The following CHMP3 variants were observed in gnomAD, a reference collection of about 807,000 sequenced individuals.
The protein encoded by CHMP3 is 25.1 protein.
In CHMP3, 8 loss-of-function variants were observed where a neutral mutation model predicts 27.4. The observed-to-expected ratio is 0.29, with a 90% CI of 0.17 to 0.53. The LOEUF is 0.53. Ranked by LOEUF, CHMP3 falls within the 20% of genes least tolerant of loss-of-function variation. The probability of loss-of-function intolerance (pLI) is 0.96; values close to 1 mark genes in which losing one functional copy is unlikely to be tolerated. For synonymous variants in CHMP3, 86 were observed against 85.5 expected (o/e 1.01, Z -0.03); for missense variants, 208 against 271.5 (o/e 0.77, Z 1.64).
chr2:86,548,516 G>C (rs1403418434), intron 1 of CHMP3, among the ~76,000 whole-genome samples: 1 of 152,174 alleles, frequency 6.6e-6, no homozygotes, highest in Non-Finnish European at 1.5e-5. Context: ...TAAGGTTATA[G>C]ATTAACAGCA....
intron 1 of CHMP3, among the ~76,000 whole-genome samples, chr2:86,548,169 G>A (rs2104006987): frequency 6.7e-6 from 1 of 149,690 alleles, no homozygotes; most frequent in Non-Finnish European, 1.5e-5. Context: ...CAGGTTAGAG[G>A]AGGAGTTCTC....
At chr2:86,548,179 C>CTTT (rs55949258) in intron 1 of CHMP3, among the ~76,000 whole-genome samples, 17 of 116,018 alleles carry the variant, frequency 1.5e-4, no homozygotes, top group African/African-American at 2.7e-4. Flanking sequence ...GAGGAGTTCT[C>CTTT]TTTTTTTTTT....
intron 2 of CHMP3, among the ~76,000 whole-genome samples, chr2:86,539,507 A>C (rs1348667810): frequency 6.6e-6 from 1 of 152,154 alleles, no homozygotes; most frequent in Non-Finnish European, 1.5e-5. Context: ...ACCTACATGA[A>C]AGATATTGGG....
intron 2 of CHMP3, among the ~76,000 whole-genome samples, chr2:86,535,339 A>G (rs138848677): frequency 1.3e-5 from 2 of 150,312 alleles, no homozygotes; most frequent in African/African-American, 4.9e-5. Flanking sequence ...TGGCATAGCT[A>G]TTTTGTCCCT....
chr2:86,551,446 G>A (rs541390805), intron 1 of CHMP3, among the ~76,000 whole-genome samples: 13 of 152,160 alleles, frequency 8.5e-5, no homozygotes, highest in South Asian at 4.1e-4. Flanking sequence ...TAGTAGGCAC[G>A]GGGTTTCACC....
intron 1 of CHMP3, among the ~76,000 whole-genome samples, chr2:86,548,365 G>A (rs77468315): frequency 0.044 from 6,720 of 152,168 alleles, 256 homozygotes; most frequent in East Asian, 0.14. Flanking sequence ...CCCTGGGTAC[G>A]TGAGATTAGG....
intron 2 of CHMP3, among the ~76,000 whole-genome samples, chr2:86,539,019 C>T (rs1355374155): frequency 1.3e-5 from 2 of 152,164 alleles, no homozygotes; most frequent in African/African-American, 2.4e-5. Context: ...CCACCATTCC[C>T]CCCGAGTAAG....
Position 86,549,867 on chromosome 2 carries a change from G to A in CHMP3, c.46-7555C>T, listed in dbSNP as rs989599074. Among the ~76,000 whole-genome samples, 58 of 150,036 alleles carry A rather than the reference G, an allele frequency of 3.9e-4. 1 individual carries two copies. Among genetic ancestry groups the A allele is most frequent in the Admixed American group, 7.9e-4 (12 of 15,170 alleles). On this transcript the variant is annotated intron_variant, in intron 1 of 5. Transcript: ENST00000263856. Reference sequence around the variant, plus strand: ...TCCTCGCCTCCCAGATGGGGCAGCCGGGCAGAGGCGCTCCTCGCCTCCCAG... The same window carrying A: ...TCCTCGCCTCCCAGATGGGGCAGCCAGGCAGAGGCGCTCCTCGCCTCCCAG...
At chr2:86,554,835 G>GTC (rs1468919844) in intron 1 of CHMP3, among the ~76,000 whole-genome samples, 1 of 145,072 alleles carries the variant, frequency 6.9e-6, no homozygotes, top group Non-Finnish European at 1.5e-5. Flanking sequence ...GTGTGTGTGT[G>GTC]TGTGTGTGTG....
intron 1 of CHMP3, among the ~76,000 whole-genome samples, chr2:86,559,509 T>C (rs1034248917): frequency 1.3e-5 from 2 of 152,250 alleles, no homozygotes; most frequent in Non-Finnish European, 2.9e-5. Flanking sequence ...ACACCATCCC[T>C]GCTTTATTGG....
chr2:86,507,714 C>G, intron 4 of CHMP3, 121 bp from the exon 5 acceptor site: 1 of 783,796 alleles, frequency 1.3e-6, no homozygotes, highest in Admixed American at 2.2e-5. Flanking sequence ...AGCTGACACA[C>G]GAGACAGCTG....
rs529740568 is a variant in CHMP3 at position 86,528,177 on chromosome 2, C to T, written c.286+1041G>A. ...GAATGTGAAGAAAATACCTTCAGAA[C>T]GAAATACAACCAAATAATGCATTAG... On this transcript the variant is annotated intron_variant, in intron 3 of 5. Transcript: ENST00000263856. Among the ~76,000 whole-genome samples, 9 of 152,126 alleles carry T rather than the reference C, an allele frequency of 5.9e-5. No individual in the cohort carries two copies. In the South Asian group the frequency reaches 1.0e-3, roughly 18 times the overall value.
chr2:86,539,838 T>G lies in CHMP3; in HGVS notation c.106+2414A>C, dbSNP rs574394309. 9.9e-5 allele frequency among the ~76,000 whole-genome samples: 15 copies of G among 152,208 alleles called. 1 individual carries two copies. The South Asian group carries it at 3.1e-3, about 32-fold the overall frequency. ...TTATTCCTTCATATAAATCCAAGTT[T>G]CTATCTGGTATGATTTTTCTTCAGC... On this transcript the variant is annotated intron_variant, in intron 2 of 5. Transcript: ENST00000263856.
intron 1 of CHMP3, among the ~76,000 whole-genome samples, chr2:86,553,094 TA>T (rs1214810760): frequency 1.3e-4 from 19 of 151,488 alleles, no homozygotes; most frequent in Non-Finnish European, 2.5e-4. Flanking sequence ...ATACTGGGCT[TA>T]ATACCTAGGT....
Position 86,563,410 on chromosome 2 carries a change from G to C in CHMP3, c.-62C>G. On this transcript the variant is annotated 5_prime_UTR_variant, in exon 1 of 6. Coordinates refer to ENST00000263856, the MANE Select transcript of CHMP3 (RefSeq NM_016079.4). The stretch of plus-strand genomic sequence containing the variant: ...GTTCCCCGCGCCCAGGCAGGTCACG[G>C]GCAGCCGCCTGGGCGGGGCCCGCGG... 6.3e-7 allele frequency: 1 copy of C among 1,595,188 alleles called. No homozygotes were observed. Among genetic ancestry groups the C allele is most frequent in the Middle Eastern group, 1.7e-4 (1 of 5,892 alleles).
chr2:86,563,246 A>G, intron 1 of CHMP3, 58 bp downstream of exon 1: 2 of 1,591,324 alleles, frequency 1.3e-6, no homozygotes, highest in South Asian at 2.2e-5. Context: ...GTCATTTACC[A>G]ACTTCACTAC....
intron 3 of CHMP3, among the ~76,000 whole-genome samples, chr2:86,514,025 A>G (rs1675200217): frequency 6.6e-6 from 1 of 152,266 alleles, no homozygotes; most frequent in Admixed American, 6.5e-5. Context: ...TCTCACACAC[A>G]TACAAATATA....
chr2:86,549,169 G>A (rs565968471), intron 1 of CHMP3, among the ~76,000 whole-genome samples: 84 of 118,438 alleles, frequency 7.1e-4, no homozygotes, highest in Non-Finnish European at 1.2e-3. Flanking sequence ...GGGCAGAGGC[G>A]CCCACTTCCC....
At chr2:86,532,197 A>G (rs961716663) in intron 2 of CHMP3, among the ~76,000 whole-genome samples, 1 of 152,098 alleles carries the variant, frequency 6.6e-6, no homozygotes, top group African/African-American at 2.4e-5. Flanking sequence ...TAAGTATTTG[A>G]TTATTTTTGA....
Sources: gnomAD v4.1 joint callset for allele counts (sites outside exome capture counted in the v4.1 genomes callset) on GRCh38, gnomAD v4.1.1 for gene constraint, MANE v1.5 for transcripts, NCBI Gene and HGNC (gene_info 2026-07-23, HGNC 2026-07-21) for gene names.